Variants in CADPS2 observed in about 807,000 individuals in gnomAD.
CADPS2 encodes calcium-dependent secretion activator 2.
Under a neutral mutation model 172.5 loss-of-function variants are expected in CADPS2, and 93 were observed. That is an observed-to-expected ratio of 0.54 (90% CI 0.46 to 0.64). CADPS2 has a LOEUF of 0.64. Ranked by LOEUF, CADPS2 falls within the 30% of genes least tolerant of loss-of-function variation. The probability of loss-of-function intolerance (pLI) is 0.00; values close to 1 mark genes in which losing one functional copy is unlikely to be tolerated. For missense variants in CADPS2, 1,420 were observed against 1,565.9 expected, an observed-to-expected ratio of 0.91 and a Z score of 1.57; for synonymous variants, 546 against 555.2, an observed-to-expected ratio of 0.98 and a Z score of 0.23.
intron 19 of CADPS2, among the ~76,000 whole-genome samples, chr7:122,410,211 G>C (rs1348824533): frequency 6.6e-6 from 1 of 152,018 alleles, no homozygotes; most frequent in East Asian, 1.9e-4. Flanking sequence ...GGCGGTGGTG[G>C]TGTGCACCTG....
intron 25 of CADPS2, among the ~76,000 whole-genome samples, chr7:122,362,497 A>G (rs139634637): frequency 1.3e-5 from 2 of 152,116 alleles, no homozygotes; most frequent in Non-Finnish European, 2.9e-5. Context: ...TTTCTATGAA[A>G]TAAAAAAACA....
chr7:122,490,372 C>A, intron 10 of CADPS2, 91 bp from the exon 11 acceptor site: 1 of 917,632 alleles, frequency 1.1e-6, no homozygotes, highest in South Asian at 1.5e-5. Flanking sequence ...AAAAGAATGG[C>A]TTTGATATTA....
At chr7:122,376,744 G>A (rs1046431289) in intron 25 of CADPS2, among the ~76,000 whole-genome samples, 3 of 152,138 alleles carry the variant, frequency 2.0e-5, no homozygotes, top group Non-Finnish European at 2.9e-5. Context: ...AAGAGGGCTG[G>A]AGGAAACTTT....
chr7:122,595,489 A>C (rs867784753), intron 6 of CADPS2, among the ~76,000 whole-genome samples: 49 of 152,100 alleles, frequency 3.2e-4, no homozygotes, highest in African/African-American at 1.2e-3. Context: ...TAATGTCAGT[A>C]CATACTATTC....
intron 1 of CADPS2, among the ~76,000 whole-genome samples, chr7:122,813,702 T>C (rs968240904): frequency 9.2e-5 from 14 of 152,142 alleles, no homozygotes; most frequent in Admixed American, 3.9e-4. Context: ...AGGAAAAGCC[T>C]TATCCCAATT....
chr7:122,764,794 G>A lies in CADPS2; in HGVS notation c.340-27726C>T, dbSNP rs181176543. Among the ~76,000 whole-genome samples the A allele has an allele frequency of 3.4e-3, 511 of 152,088 alleles. 1 individual carries two copies. The highest frequency in any genetic ancestry group is 4.7e-3 in the Non-Finnish European group (321 of 67,952). On this transcript the variant is annotated intron_variant, in intron 1 of 29. Coordinates refer to ENST00000449022, the MANE Select transcript of CADPS2 (RefSeq NM_017954.11). ...AGGCCCAGAGAAGGAAATGTACTGC[G>A]TGCATCGAAGGCAGACAGGCAAGCA... is the stretch of plus-strand genomic sequence containing the variant.
intron 3 of CADPS2, among the ~76,000 whole-genome samples, chr7:122,652,473 T>C (rs1403747356): frequency 2.0e-5 from 3 of 152,186 alleles, no homozygotes; most frequent in Non-Finnish European, 4.4e-5. Context: ...TAATATTATA[T>C]AACATTGTTT....
At chr7:122,707,805 T>C (rs1334617105) in intron 2 of CADPS2, among the ~76,000 whole-genome samples, 1 of 151,476 alleles carries the variant, frequency 6.6e-6, no homozygotes, top group East Asian at 1.9e-4. Flanking sequence ...TTCTTATATA[T>C]ATATATATGT....
At chr7:122,610,189 T>A (rs2133754979) in intron 6 of CADPS2, among the ~76,000 whole-genome samples, 1 of 152,102 alleles carries the variant, frequency 6.6e-6, no homozygotes, top group African/African-American at 2.4e-5. Context: ...ATTATAATAC[T>A]TCCTCTCAGG....
intron 1 of CADPS2, among the ~76,000 whole-genome samples, chr7:122,743,466 C>A (rs983461747): frequency 5.3e-4 from 81 of 152,278 alleles, no homozygotes; most frequent in African/African-American, 1.9e-3. Flanking sequence ...CTGCCCTGAC[C>A]TGCAGAACCC....
chr7:122,885,918 G>A (rs1236891705), intron 1 of CADPS2, 81 bp downstream of exon 1: 1 of 1,469,534 alleles, frequency 6.8e-7, no homozygotes, highest in Non-Finnish European at 9.3e-7. Context: ...TTCGCAGAAG[G>A]ACGGGAGGCG....
chr7:122,423,904 T>A (rs564928900), intron 17 of CADPS2, among the ~76,000 whole-genome samples: 84 of 152,296 alleles, frequency 5.5e-4, no homozygotes, highest in African/African-American at 1.9e-3. Flanking sequence ...AAAACAAAGT[T>A]AAAAAACAAA....
chr7:122,682,625 C>A (rs1215151298), intron 2 of CADPS2, among the ~76,000 whole-genome samples: 1 of 152,202 alleles, frequency 6.6e-6, no homozygotes, highest in African/African-American at 2.4e-5. Context: ...TGTCTTACAG[C>A]TTTACAGTAT....
At chr7:122,884,411 C>A (rs768471172) in intron 1 of CADPS2, among the ~76,000 whole-genome samples, 5 of 152,074 alleles carry the variant, frequency 3.3e-5, no homozygotes, top group Non-Finnish European at 7.4e-5. Context: ...AAAAACACCG[C>A]GGGGCATTCA....
At chr7:122,389,780 T>C (rs1439291639) in intron 22 of CADPS2, among the ~76,000 whole-genome samples, 1 of 152,078 alleles carries the variant, frequency 6.6e-6, no homozygotes, top group Non-Finnish European at 1.5e-5. Flanking sequence ...AATTTATATT[T>C]CTAGTTTACA....
At chr7:122,787,263 TTG>T (rs749505262) in intron 1 of CADPS2, among the ~76,000 whole-genome samples, 49 of 152,180 alleles carry the variant, frequency 3.2e-4, no homozygotes, top group Non-Finnish European at 6.0e-4. Flanking sequence ...ATTTTATCAC[TTG>T]TGTTTTATGT....
At chr7:122,427,382 T>G (rs1172854496) in intron 17 of CADPS2, 1 of 152,174 alleles carries the variant, frequency 6.6e-6, no homozygotes, top group Non-Finnish European at 1.5e-5. Context: ...TAGACAAACT[T>G]GGAAAATCAT....
At chr7:122,472,160 C>A (rs1441297824) in intron 13 of CADPS2, among the ~76,000 whole-genome samples, 1 of 152,136 alleles carries the variant, frequency 6.6e-6, no homozygotes, top group African/African-American at 2.4e-5. Context: ...CTGAACACAG[C>A]AGGCAGTTGA....
At chr7:122,831,040 C>T (rs1055387821) in intron 1 of CADPS2, among the ~76,000 whole-genome samples, 1 of 152,020 alleles carries the variant, frequency 6.6e-6, no homozygotes, top group African/African-American at 2.4e-5. Flanking sequence ...AATTTAGGGG[C>T]CCTACTATTA....
Sources: allele counts gnomAD v4.1 joint callset (sites outside exome capture counted in the v4.1 genomes callset), GRCh38; gene constraint gnomAD v4.1.1; transcripts MANE v1.5; gene names NCBI Gene and HGNC (gene_info 2026-07-23, HGNC 2026-07-21).